NXPE4: variants seen among roughly 807,000 people sequenced by gnomAD.
NXPE4 encodes neurexophilin and PC-esterase domain family member 4, also known as NXPE family member 4.
Under a neutral mutation model 33.3 loss-of-function variants are expected in NXPE4, and 42 were observed. That is an observed-to-expected ratio of 1.26 (90% CI 0.98 to 1.63). The LOEUF is 1.63. NXPE4 is among the 40% of genes most tolerant of loss of function. The pLI is 0.00. For missense variants in NXPE4, 709 were observed against 647.6 expected (o/e 1.09, Z -1.03); for synonymous variants, 253 against 234.9 (o/e 1.08, Z -0.71).
the NXPE4 span, among the ~76,000 whole-genome samples, chr11:114,610,201 C>T: frequency 6.6e-6 from 1 of 151,686 alleles, no homozygotes; most frequent in African/African-American, 2.4e-5. Context: ...CGTGGGTAGC[C>T]ACTGTTACCC....
chr11:114,659,448 A>T, the NXPE4 span, among the ~76,000 whole-genome samples: 1 of 151,962 alleles, frequency 6.6e-6, no homozygotes, highest in Admixed American at 6.6e-5. Flanking sequence ...AAAAGAGAAA[A>T]AAAGAGTGAA....
the NXPE4 span, among the ~76,000 whole-genome samples, chr11:114,622,580 C>T: frequency 1.1e-3 from 163 of 151,668 alleles, 1 homozygote; most frequent in African/African-American, 3.7e-3. Context: ...CACTGCTACC[C>T]GGTGGGTAAT....
In NXPE4 at chr11:114,576,975, T is replaced by TTA. The variant is rs200805130; in HGVS notation, c.1099+3155_1099+3156dup. On this transcript the variant is annotated intron_variant, in intron 5 of 5. Coordinates refer to ENST00000375478, the MANE Select transcript of NXPE4 (RefSeq NM_001077639.2). ...ATCAATGAGTGGATAAAGAAGATGTTTATATATATATATATACATATATAT... is the reference window on the plus strand; with the variant it reads ...ATCAATGAGTGGATAAAGAAGATGTTTATATATATATATATATACATATATAT... Among the ~76,000 whole-genome samples, 154 of 128,148 alleles carry TTA rather than the reference T, an allele frequency of 1.2e-3. 1 individual carries two copies. Among genetic ancestry groups the TTA allele is most frequent in the Admixed American group, 3.4e-3 (42 of 12,280 alleles). The allele number at this position is 128,148 out of a possible 152,430, so 84.1% of individuals were successfully genotyped here.
intron 5 of NXPE4, among the ~76,000 whole-genome samples, chr11:114,574,098 G>C (rs1205648921): frequency 6.6e-6 from 1 of 152,040 alleles, no homozygotes; most frequent in Non-Finnish European, 1.5e-5. Flanking sequence ...TAAATAACCT[G>C]CTCTTGAATG....
chr11:114,632,373 T>C, the NXPE4 span, among the ~76,000 whole-genome samples: 3 of 133,936 alleles, frequency 2.2e-5, no homozygotes, highest in Non-Finnish European at 3.1e-5. Context: ...ATATTACATA[T>C]AGTTATATAT....
the NXPE4 span, among the ~76,000 whole-genome samples, chr11:114,640,558 T>G: frequency 6.6e-6 from 1 of 151,896 alleles, no homozygotes; most frequent in Non-Finnish European, 1.5e-5. Flanking sequence ...GTTGTACTAA[T>G]TTACACTCCC....
the NXPE4 span, among the ~76,000 whole-genome samples, chr11:114,639,168 A>T: frequency 6.6e-6 from 1 of 151,982 alleles, no homozygotes; most frequent in Non-Finnish European, 1.5e-5. Flanking sequence ...AGCCTGGGCA[A>T]TGGTGGGCAC....
chr11:114,636,050 C>T, the NXPE4 span, among the ~76,000 whole-genome samples: 1 of 151,506 alleles, frequency 6.6e-6, no homozygotes, highest in Non-Finnish European at 1.5e-5. Context: ...GTACCAGTTC[C>T]TCCTTGTACC....
the NXPE4 span, among the ~76,000 whole-genome samples, chr11:114,641,712 A>G: frequency 6.6e-6 from 1 of 152,124 alleles, no homozygotes; most frequent in Non-Finnish European, 1.5e-5. Flanking sequence ...AACAGAATAA[A>G]ACCTAACTCT....
chr11:114,601,731 T>TTATATATAATTATAA, the NXPE4 span, among the ~76,000 whole-genome samples: 3 of 72,004 alleles, frequency 4.2e-5, no homozygotes, highest in African/African-American at 5.9e-5. Flanking sequence ...TAATTATATA[T>TTATATATAATTATAA]TATATATAAT....
intron 5 of NXPE4, 118 bp downstream of exon 5, chr11:114,580,014 G>T: frequency 3.6e-6 from 3 of 833,050 alleles, no homozygotes; most frequent in South Asian, 1.6e-5. Flanking sequence ...AAAAATTTTG[G>T]TGTGTTGTGA....
rs1422339172 is a variant in NXPE4, at chr11:114,570,697, G to T, written c.*241C>A. ...TCTTGACTTCCCATTGGTGAAGAGGGGTATGGCTCTGATCAAGAAGGGTAG... is the reference window on the plus strand; with the variant it reads ...TCTTGACTTCCCATTGGTGAAGAGGTGTATGGCTCTGATCAAGAAGGGTAG... On this transcript the variant is annotated 3_prime_UTR_variant, in exon 6 of 6. Transcript: ENST00000375478. 3.0e-6 allele frequency: 1 copy of T among 332,838 alleles called. No individual in the cohort carries two copies. The highest frequency in any genetic ancestry group is 5.4e-6 in the Non-Finnish European group (1 of 185,328). 20.6% of individuals were successfully genotyped at this position (332,838 alleles called of 1,614,324 possible).
intron 5 of NXPE4, among the ~76,000 whole-genome samples, chr11:114,576,738 G>T (rs1949001808): frequency 6.6e-6 from 1 of 151,832 alleles, no homozygotes; most frequent in African/African-American, 2.4e-5. Flanking sequence ...CACTGTTGGT[G>T]GGAATGTAAA....
chr11:114,666,955 G>A, the NXPE4 span, among the ~76,000 whole-genome samples: 1 of 152,030 alleles, frequency 6.6e-6, no homozygotes, highest in African/African-American at 2.4e-5. Context: ...ACACACATAT[G>A]TCCACACCCA....
the NXPE4 span, among the ~76,000 whole-genome samples, chr11:114,631,499 A>T: frequency 7.8e-6 from 1 of 127,622 alleles, no homozygotes; most frequent in African/African-American, 3.0e-5. Context: ...CAGGAAGGGG[A>T]ACATAACACT....
the NXPE4 span, among the ~76,000 whole-genome samples, chr11:114,672,802 A>T: frequency 2.0e-5 from 3 of 151,868 alleles, no homozygotes; most frequent in Admixed American, 2.0e-4. Context: ...TAGACCTAAC[A>T]TATATAAACG....
chr11:114,613,805 C>T, the NXPE4 span, among the ~76,000 whole-genome samples: 7 of 149,374 alleles, frequency 4.7e-5, no homozygotes, highest in East Asian at 8.1e-4. Context: ...GTGGATAATA[C>T]GTCTTGCCTC....
At chr11:114,597,155 T>C (rs968228252), upstream of NXPE4, among the ~76,000 whole-genome samples, 6 of 152,184 alleles carry the variant, frequency 3.9e-5, no homozygotes, top group African/African-American at 1.2e-4. Context: ...GTAACCCTGG[T>C]ATAACCACTA....
At chr11:114,574,003 T>C (rs1948945832) in intron 5 of NXPE4, among the ~76,000 whole-genome samples, 1 of 151,834 alleles carries the variant, frequency 6.6e-6, no homozygotes, top group South Asian at 2.1e-4. Context: ...CAAAATTATA[T>C]CAAGTACTCT....
Sources: allele counts gnomAD v4.1 joint callset (sites outside exome capture counted in the v4.1 genomes callset), GRCh38; gene constraint gnomAD v4.1.1; transcripts MANE v1.5; gene names NCBI Gene and HGNC (gene_info 2026-07-23, HGNC 2026-07-21).